The following LRMDA variants were observed in gnomAD, a reference collection of about 807,000 sequenced individuals.
The protein encoded by LRMDA is leucine rich melanocyte differentiation associated, also known as leucine-rich melanocyte differentiation-associated protein.
In LRMDA, 18 loss-of-function variants were observed where a neutral mutation model predicts 29.8. That is an observed-to-expected ratio of 0.60 (90% CI 0.42 to 0.90). The LOEUF (loss-of-function observed/expected upper bound fraction) is 0.90, where lower values mean the gene tolerates loss of function less well. Among genes scored for constraint, LRMDA ranks in the 40% least tolerant of loss-of-function variants. The pLI is 0.00. For missense variants in LRMDA, 273 were observed against 273.9 expected, an observed-to-expected ratio of 1.00 and a Z score of 0.02; for synonymous variants, 125 against 109.4, an observed-to-expected ratio of 1.14 and a Z score of -0.89.
At chr10:76,530,146 C>T (rs1166893063) in intron 6 of LRMDA, among the ~76,000 whole-genome samples, 1 of 151,982 alleles carries the variant, frequency 6.6e-6, no homozygotes, top group African/African-American at 2.4e-5. Context: ...TTTAAAGGTC[C>T]CAGGAGATTG....
At chr10:75,671,968 C>T (rs900314767) in intron 2 of LRMDA, among the ~76,000 whole-genome samples, 5 of 152,110 alleles carry the variant, frequency 3.3e-5, no homozygotes, top group African/African-American at 7.2e-5. Context: ...TCCTTTGACT[C>T]GTTCTCTAGT....
chr10:76,240,410 TA>T (rs1270493018), intron 5 of LRMDA, among the ~76,000 whole-genome samples: 1 of 145,952 alleles, frequency 6.9e-6, no homozygotes, highest in Non-Finnish European at 1.5e-5. Context: ...ATATGTAATA[TA>T]TATATTTGTG....
intron 2 of LRMDA, among the ~76,000 whole-genome samples, chr10:75,859,291 T>G (rs563889451): frequency 6.6e-6 from 1 of 152,314 alleles, no homozygotes; most frequent in African/African-American, 2.4e-5. Context: ...GCTGTCAGTT[T>G]GGCCCCTGTG....
intron 6 of LRMDA, among the ~76,000 whole-genome samples, chr10:76,535,353 G>A (rs1843279002): frequency 6.6e-6 from 1 of 152,130 alleles, no homozygotes. Flanking sequence ...GAGGTGGGGA[G>A]GGACAAATAA....
intron 2 of LRMDA, among the ~76,000 whole-genome samples, chr10:75,723,127 T>C (rs1446792187): frequency 6.6e-6 from 1 of 152,280 alleles, no homozygotes. Flanking sequence ...GTTCTACAAC[T>C]GTACCTTTGG....
At chr10:76,094,382 G>T (rs1460541113) in intron 5 of LRMDA, among the ~76,000 whole-genome samples, 3 of 151,992 alleles carry the variant, frequency 2.0e-5, no homozygotes, top group Non-Finnish European at 4.4e-5. Context: ...ATATGTGAAA[G>T]ATATATATTT....
At chr10:75,770,771 C>G (rs1157758665) in intron 2 of LRMDA, among the ~76,000 whole-genome samples, 1 of 152,166 alleles carries the variant, frequency 6.6e-6, no homozygotes, top group African/African-American at 2.4e-5. Context: ...TGTGGAAACT[C>G]TCCTTGCTCG....
At chr10:75,533,352 C>T (rs1200616928) in intron 2 of LRMDA, among the ~76,000 whole-genome samples, 2 of 152,126 alleles carry the variant, frequency 1.3e-5, no homozygotes, top group Non-Finnish European at 2.9e-5. Context: ...AAATAGGTAA[C>T]AATTAGGGGT....
chr10:75,982,445 T>A (rs1314169759), intron 2 of LRMDA, among the ~76,000 whole-genome samples: 2 of 152,172 alleles, frequency 1.3e-5, no homozygotes, highest in Non-Finnish European at 2.9e-5. Flanking sequence ...AGAGTTCCCA[T>A]ACACGAGACC....
chr10:75,791,704 C>G (rs1269586121), intron 2 of LRMDA, among the ~76,000 whole-genome samples: 4 of 152,154 alleles, frequency 2.6e-5, no homozygotes, highest in Non-Finnish European at 5.9e-5. Flanking sequence ...TCAGGCCCTT[C>G]CGGCCTCTCC....
chr10:76,094,798 T>C (rs1849288847), intron 5 of LRMDA, among the ~76,000 whole-genome samples: 1 of 152,150 alleles, frequency 6.6e-6, no homozygotes, highest in Non-Finnish European at 1.5e-5. Flanking sequence ...TTAAAATCAT[T>C]CCATATTTTA....
At chr10:75,823,402 A>G (rs1398772597) in intron 2 of LRMDA, among the ~76,000 whole-genome samples, 1 of 152,134 alleles carries the variant, frequency 6.6e-6, no homozygotes, top group African/African-American at 2.4e-5. Context: ...TAAAAACACA[A>G]TGAGATACCA....
intron 2 of LRMDA, among the ~76,000 whole-genome samples, chr10:75,601,713 A>G (rs1297905294): frequency 6.6e-6 from 1 of 152,202 alleles, no homozygotes; most frequent in East Asian, 1.9e-4. Flanking sequence ...TCTATTGAGT[A>G]CTTATCATGT....
At chr10:75,674,300 C>T (rs11001459) in intron 2 of LRMDA, among the ~76,000 whole-genome samples, 1 of 152,056 alleles carries the variant, frequency 6.6e-6, no homozygotes, top group South Asian at 2.1e-4. Flanking sequence ...TCTGGGCAAC[C>T]CGCACAACAC....
intron 2 of LRMDA, among the ~76,000 whole-genome samples, chr10:76,015,665 G>C (rs1331414575): frequency 6.6e-6 from 1 of 152,184 alleles, no homozygotes; most frequent in Non-Finnish European, 1.5e-5. Context: ...TACCAGGAGG[G>C]AGGGATCACT....
intron 2 of LRMDA, among the ~76,000 whole-genome samples, chr10:75,925,204 T>C (rs1846099585): frequency 1.3e-5 from 2 of 152,194 alleles, no homozygotes; most frequent in African/African-American, 4.8e-5. Flanking sequence ...CTGATTTTTT[T>C]TTGTAAATTT....
At chr10:75,960,426 G>A (rs1172065390) in intron 2 of LRMDA, among the ~76,000 whole-genome samples, 2 of 152,196 alleles carry the variant, frequency 1.3e-5, no homozygotes, top group Non-Finnish European at 2.9e-5. Context: ...GATGATAAAT[G>A]TGAGTATTGT....
chr10:75,831,627 A>G (rs1349600049), intron 2 of LRMDA, among the ~76,000 whole-genome samples: 1 of 151,698 alleles, frequency 6.6e-6, no homozygotes, highest in Non-Finnish European at 1.5e-5. Flanking sequence ...CTCAGTAGGG[A>G]CTCTGTGTGG....
intron 2 of LRMDA, among the ~76,000 whole-genome samples, chr10:75,732,879 A>G (rs1034914372): frequency 6.6e-6 from 1 of 152,208 alleles, no homozygotes; most frequent in Non-Finnish European, 1.5e-5. Context: ...AGCATGTTGA[A>G]AAAAGCTGAG....
Sources: gnomAD v4.1 joint callset for allele counts (sites outside exome capture counted in the v4.1 genomes callset) on GRCh38, gnomAD v4.1.1 for gene constraint, MANE v1.5 for transcripts, NCBI Gene and HGNC (gene_info 2026-07-23, HGNC 2026-07-21) for gene names.